Variants in NEGR1 observed in about 807,000 individuals in gnomAD.
NEGR1 encodes IgLON family member 4.
A neutral mutation model predicts 40.9 loss-of-function variants in NEGR1; 10 were observed. The ratio of observed to expected loss-of-function variants is 0.24; its 90% CI spans 0.15 to 0.42. The LOEUF is 0.42. Among genes scored for constraint, NEGR1 ranks in the 10% least tolerant of loss-of-function variants. NEGR1 has a pLI of 1.00. For synonymous variants in NEGR1, 185 were observed against 166.8 expected (o/e 1.11, Z -0.84); for missense variants, 352 against 438.9 (o/e 0.80, Z 1.77).
intron 6 of NEGR1, among the ~76,000 whole-genome samples, chr1:71,534,864 C>T (rs1290834479): frequency 6.6e-6 from 1 of 151,418 alleles, no homozygotes; most frequent in African/African-American, 2.4e-5. Context: ...GCATTCTTAT[C>T]CCCAAATTCC....
chr1:72,145,613 T>C (rs746980376), intron 1 of NEGR1, among the ~76,000 whole-genome samples: 1 of 152,116 alleles, frequency 6.6e-6, no homozygotes, highest in Non-Finnish European at 1.5e-5. Flanking sequence ...GGGGTAGAGA[T>C]TGCATTTTTG....
intron 6 of NEGR1, among the ~76,000 whole-genome samples, chr1:71,426,800 C>A (rs908066962): frequency 6.6e-6 from 1 of 151,956 alleles, no homozygotes; most frequent in Non-Finnish European, 1.5e-5. Flanking sequence ...AACAAATCAA[C>A]AATTATGTGA....
At chr1:72,020,434 T>G (rs1021514328) in intron 1 of NEGR1, among the ~76,000 whole-genome samples, 1 of 152,022 alleles carries the variant, frequency 6.6e-6, no homozygotes, top group African/African-American at 2.4e-5. Flanking sequence ...TTATTTTCCC[T>G]GAAAAAGGAG....
At chr1:71,944,721 G>A (rs981194114) in intron 1 of NEGR1, among the ~76,000 whole-genome samples, 1 of 152,048 alleles carries the variant, frequency 6.6e-6, no homozygotes, top group Non-Finnish European at 1.5e-5. Context: ...TGCTTATGTT[G>A]ATCTTTAAGC....
At chr1:71,496,019 TC>T (rs967515593) in intron 6 of NEGR1, among the ~76,000 whole-genome samples, 10 of 152,174 alleles carry the variant, frequency 6.6e-5, no homozygotes, top group African/African-American at 2.2e-4. Flanking sequence ...TCTCTGCCTT[TC>T]CCACATCTTA....
intron 1 of NEGR1, among the ~76,000 whole-genome samples, chr1:72,195,525 G>T (rs1342335295): frequency 6.6e-6 from 1 of 151,634 alleles, no homozygotes; most frequent in African/African-American, 2.4e-5. Context: ...ATTTGACAAT[G>T]ATACACCAAG....
intron 4 of NEGR1, among the ~76,000 whole-genome samples, chr1:71,651,113 A>G (rs1419418789): frequency 3.3e-5 from 5 of 152,208 alleles, no homozygotes; most frequent in Admixed American, 6.5e-5. Flanking sequence ...AACTAAGACA[A>G]ATGAATTTAA....
intron 4 of NEGR1, among the ~76,000 whole-genome samples, chr1:71,641,743 C>G (rs1397910829): frequency 6.6e-6 from 1 of 152,002 alleles, no homozygotes; most frequent in Non-Finnish European, 1.5e-5. Flanking sequence ...CTACCTAGCA[C>G]AGACTTGACA....
chr1:72,073,589 T>C (rs988399843), intron 1 of NEGR1, among the ~76,000 whole-genome samples: 1 of 152,128 alleles, frequency 6.6e-6, no homozygotes, highest in Non-Finnish European at 1.5e-5. Context: ...ATTTACATTT[T>C]TAACAAACAA....
intron 4 of NEGR1, among the ~76,000 whole-genome samples, chr1:71,674,950 T>C (rs1482776133): frequency 6.6e-6 from 1 of 151,604 alleles, no homozygotes; most frequent in Admixed American, 6.6e-5. Flanking sequence ...TGTTTTGTAT[T>C]CTTAGCAACC....
intron 1 of NEGR1, among the ~76,000 whole-genome samples, chr1:71,951,706 T>C (rs1261989854): frequency 6.6e-6 from 1 of 151,980 alleles, no homozygotes; most frequent in Non-Finnish European, 1.5e-5. Context: ...CCTCATTTTA[T>C]TGCACTTCAT....
chr1:71,544,791 T>C (rs1056342356), intron 6 of NEGR1, among the ~76,000 whole-genome samples: 1 of 151,492 alleles, frequency 6.6e-6, no homozygotes, highest in African/African-American at 2.4e-5. Flanking sequence ...TCCACTGAGG[T>C]TCATTTTACT....
chr1:71,412,636 T>C (rs1032451403), intron 6 of NEGR1, among the ~76,000 whole-genome samples: 7 of 152,200 alleles, frequency 4.6e-5, no homozygotes, highest in Admixed American at 2.0e-4. Context: ...TTAATAGTTG[T>C]TCCTGTGATT....
At chr1:71,959,298 A>G (rs1485472252) in intron 1 of NEGR1, among the ~76,000 whole-genome samples, 6 of 152,176 alleles carry the variant, frequency 3.9e-5, no homozygotes, top group Admixed American at 1.3e-4. Flanking sequence ...TTAACACTGG[A>G]CCAGTCATCC....
intron 6 of NEGR1, among the ~76,000 whole-genome samples, chr1:71,435,866 C>A (rs1052916278): frequency 6.6e-6 from 1 of 152,136 alleles, no homozygotes; most frequent in Non-Finnish European, 1.5e-5. Flanking sequence ...GGCCAATACC[C>A]AGAACTCCAT....
At chr1:71,533,411 C>A (rs1647415943) in intron 6 of NEGR1, among the ~76,000 whole-genome samples, 1 of 151,580 alleles carries the variant, frequency 6.6e-6, no homozygotes, top group Non-Finnish European at 1.5e-5. Context: ...TCATTATTCA[C>A]TAACATACCT....
At chr1:71,874,982 C>T (rs1276860605) in intron 2 of NEGR1, among the ~76,000 whole-genome samples, 11 of 151,896 alleles carry the variant, frequency 7.2e-5, no homozygotes, top group African/African-American at 1.9e-4. Context: ...GTAGCTGGGA[C>T]GATAGATGTT....
intron 2 of NEGR1, among the ~76,000 whole-genome samples, chr1:71,899,856 A>C (rs1032203288): frequency 1.1e-4 from 16 of 152,140 alleles, no homozygotes; most frequent in Non-Finnish European, 2.4e-4. Context: ...CAAGTGTCCA[A>C]AGGGTCAGTA....
At chr1:72,054,118 G>T (rs181313455) in intron 1 of NEGR1, among the ~76,000 whole-genome samples, 69 of 151,384 alleles carry the variant, frequency 4.6e-4, no homozygotes, top group African/African-American at 1.7e-3. Flanking sequence ...AATATCTCCT[G>T]CATAAAAATA....
Sources: allele counts gnomAD v4.1 joint callset (sites outside exome capture counted in the v4.1 genomes callset), GRCh38; gene constraint gnomAD v4.1.1; transcripts MANE v1.5; gene names NCBI Gene and HGNC (gene_info 2026-07-23, HGNC 2026-07-21).